Variants in NEK6 observed in about 807,000 individuals in gnomAD.
The protein encoded by NEK6 is NIMA related kinase 6, also known as serine/threonine-protein kinase Nek6.
In NEK6, 27 loss-of-function variants were observed where a neutral mutation model predicts 43.5. The ratio of observed to expected loss-of-function variants is 0.62; its 90% CI spans 0.46 to 0.86. The LOEUF (loss-of-function observed/expected upper bound fraction) is 0.86. Ranked by LOEUF, NEK6 falls within the 40% of genes least tolerant of loss-of-function variation. The probability of loss-of-function intolerance (pLI) is 0.00; values close to 1 mark genes in which losing one functional copy is unlikely to be tolerated. For missense variants in NEK6, 318 were observed against 414.4 expected (o/e 0.77, Z 2.02); for synonymous variants, 167 against 164.1 (o/e 1.02, Z -0.14).
intron 7 of NEK6, 146 bp from the exon 8 acceptor site, chr9:124,339,425 C>G (rs926203499): frequency 1.6e-5 from 11 of 688,594 alleles, no homozygotes; most frequent in Non-Finnish European, 2.7e-5. Flanking sequence ...AGAGGAAGGC[C>G]CAGGCCCAGA....
At chr9:124,322,442 C>T (rs1834114837) in intron 5 of NEK6, among the ~76,000 whole-genome samples, 1 of 152,238 alleles carries the variant, frequency 6.6e-6, no homozygotes, top group African/African-American at 2.4e-5. Flanking sequence ...AGCCTCCACC[C>T]AGCCCAGTAC....
chr9:124,264,955 T>G (rs1488692576), intron 1 of NEK6, among the ~76,000 whole-genome samples: 1 of 152,158 alleles, frequency 6.6e-6, no homozygotes, highest in East Asian at 1.9e-4. Flanking sequence ...GTTGCCTGTT[T>G]TACATAAGGA....
chr9:124,292,132 C>CT, intron 1 of NEK6: 1 of 1,168,922 alleles, frequency 8.6e-7, no homozygotes, highest in Non-Finnish European at 1.1e-6. Flanking sequence ...ACCGCTTGCT[C>CT]TTAGGGGTGT....
chr9:124,288,432 G>A (rs563246894), intron 1 of NEK6, among the ~76,000 whole-genome samples: 6 of 152,102 alleles, frequency 3.9e-5, no homozygotes, highest in East Asian at 3.9e-4. Context: ...ACAGGTACCC[G>A]CCCCCACACC....
At position 124,304,137 on chromosome 9, in the gene NEK6, C is replaced by G. The variant is rs578135669; in HGVS notation, c.90+2083C>G. Among the ~76,000 whole-genome samples, 3 of 152,372 alleles carry G rather than the reference C, an allele frequency of 2.0e-5. No homozygotes were observed. The East Asian group carries it at 5.8e-4, about 29-fold the overall frequency. On this transcript the variant is annotated intron_variant, in intron 2 of 9. Transcript: ENST00000320246. ...TGGCTGGGTTTGCAGAATGGGGGCG[C>G]AAGGCCACCCATGTGCCGTGCCGGC...
intron 7 of NEK6, among the ~76,000 whole-genome samples, chr9:124,337,764 C>T (rs1374975493): frequency 6.6e-6 from 1 of 152,178 alleles, no homozygotes; most frequent in Non-Finnish European, 1.5e-5. Context: ...TACCTAGGAG[C>T]GGAATTGCTG....
At chr9:124,339,710 TG>T (rs772595757) in intron 8 of NEK6, 45 bp downstream of exon 8, 4 of 1,414,144 alleles carry the variant, frequency 2.8e-6, no homozygotes, top group African/African-American at 1.4e-5. Flanking sequence ...GGGACATGCA[TG>T]GGGGGTGCCC....
At chr9:124,309,182 T>C (rs1397209136) in intron 2 of NEK6, among the ~76,000 whole-genome samples, 1 of 152,122 alleles carries the variant, frequency 6.6e-6, no homozygotes, top group East Asian at 1.9e-4. Context: ...TGCTGGACCA[T>C]GTCCCCAGCA....
At chr9:124,317,436 C>T (rs993654300) in intron 4 of NEK6, among the ~76,000 whole-genome samples, 1 of 152,184 alleles carries the variant, frequency 6.6e-6, no homozygotes, top group Admixed American at 6.5e-5. Flanking sequence ...TGGTCTTGAA[C>T]GCCTGACCTC....
chr9:124,340,133 T>TAAAGACCATCACCTCTCCCC (rs1829518891), intron 8 of NEK6, among the ~76,000 whole-genome samples: 2 of 151,158 alleles, frequency 1.3e-5, no homozygotes, highest in Admixed American at 6.6e-5. Context: ...TGGGTCTCCC[T>TAAAGACCATCACCTCTCCCC]AAAGACCACC....
intron 1 of NEK6, among the ~76,000 whole-genome samples, chr9:124,283,016 G>C (rs369708356): frequency 1.3e-5 from 2 of 152,356 alleles, no homozygotes; most frequent in East Asian, 3.9e-4. Flanking sequence ...AGCCTCCCCT[G>C]TTCCCCCAGA....
chr9:124,285,647 G>C (rs370886753), intron 1 of NEK6, among the ~76,000 whole-genome samples: 1 of 152,114 alleles, frequency 6.6e-6, no homozygotes, highest in Non-Finnish European at 1.5e-5. Flanking sequence ...ACACAGGCCC[G>C]CTGGCTCCAC....
At chr9:124,263,727 GCA>G (rs1491031903) in intron 1 of NEK6, among the ~76,000 whole-genome samples, 16 of 152,308 alleles carry the variant, frequency 1.1e-4, no homozygotes, top group Non-Finnish European at 1.5e-4. Context: ...TTCCACCAGA[GCA>G]CCTTCCTAGG....
intron 1 of NEK6, among the ~76,000 whole-genome samples, chr9:124,277,776 G>A (rs989037872): frequency 2.0e-5 from 3 of 152,184 alleles, no homozygotes; most frequent in African/African-American, 7.2e-5. Flanking sequence ...GCGCCCGCAG[G>A]CCCCATCCAG....
chr9:124,269,562 G>A (rs1277401683), intron 1 of NEK6, among the ~76,000 whole-genome samples: 1 of 151,932 alleles, frequency 6.6e-6, no homozygotes, highest in South Asian at 2.1e-4. Flanking sequence ...ATTTTTAGTA[G>A]AGATGGGTTT....
intron 1 of NEK6, among the ~76,000 whole-genome samples, chr9:124,290,960 G>C (rs1292798743): frequency 1.3e-5 from 2 of 152,188 alleles, no homozygotes; most frequent in African/African-American, 4.8e-5. Flanking sequence ...GTCATTGCAG[G>C]GTCCCGAAGG....
intron 4 of NEK6, among the ~76,000 whole-genome samples, chr9:124,315,221 G>T (rs1239438655): frequency 6.6e-6 from 1 of 152,226 alleles, no homozygotes; most frequent in Non-Finnish European, 1.5e-5. Context: ...CGCTTCCTGG[G>T]CAGGCCTCAC....
intron 8 of NEK6, among the ~76,000 whole-genome samples, chr9:124,346,513 G>C (rs763176733): frequency 3.9e-5 from 6 of 152,198 alleles, no homozygotes; most frequent in Non-Finnish European, 8.8e-5. Context: ...GCCCCTCCGG[G>C]GGGGAACCGG....
rs1336500735 is a variant in NEK6, at chr9:124,343,256, G to A, written c.717+3591G>A. Among the ~76,000 whole-genome samples the A allele has an allele frequency of 4.0e-5, 6 of 149,944 alleles. No individual in the cohort carries two copies. The highest frequency in any genetic ancestry group is 1.2e-4 in the African/African-American group (5 of 40,690). On this transcript the variant is annotated intron_variant, in intron 8 of 9. Transcript: ENST00000320246. The surrounding 1 kb of genome is among the most constrained non-coding windows in gnomAD (Gnocchi z 5.1). ...GGCGGTGAGGGGACGGATCGCAGCC[G>A]GGGGGTGGTACGGGGGATGGATCGC... is the stretch of plus-strand genomic sequence containing the variant.
Sources: gnomAD v4.1 joint callset for allele counts (sites outside exome capture counted in the v4.1 genomes callset) on GRCh38, gnomAD v4.1.1 for gene constraint, Gnocchi (gnomAD v3.1) non-coding constraint, MANE v1.5 for transcripts, NCBI Gene and HGNC (gene_info 2026-07-23, HGNC 2026-07-21) for gene names.